ECT2L: variants seen among roughly 807,000 people sequenced by gnomAD.
ECT2L encodes the protein epithelial cell-transforming sequence 2 oncogene-like.
A neutral mutation model predicts 122.8 loss-of-function variants in ECT2L; 126 were observed. The ratio of observed to expected loss-of-function variants is 1.03; its 90% CI spans 0.89 to 1.19. The LOEUF (loss-of-function observed/expected upper bound fraction) is 1.19, where lower values mean the gene tolerates loss of function less well. Among genes scored for constraint, ECT2L ranks in the 50% most tolerant of loss-of-function variants. The pLI is 0.00. For missense variants in ECT2L, 1,012 were observed against 1,064.1 expected, an observed-to-expected ratio of 0.95 and a Z score of 0.68; for synonymous variants, 385 against 381.8, an observed-to-expected ratio of 1.01 and a Z score of -0.10.
chr6:138,796,586 T>C (rs1251965037), intron 1 of ECT2L, among the ~76,000 whole-genome samples: 1 of 149,836 alleles, frequency 6.7e-6, no homozygotes, highest in Non-Finnish European at 1.5e-5. Context: ...GGTCCAAAAA[T>C]GTAGGGAGTA....
At chr6:138,815,657 G>C (rs1317277018) in intron 4 of ECT2L, among the ~76,000 whole-genome samples, 2 of 152,228 alleles carry the variant, frequency 1.3e-5, no homozygotes, top group East Asian at 3.8e-4. Flanking sequence ...GTGTGAAGTT[G>C]TTTGGGCTTA....
At chr6:138,804,545 G>T (rs992209754) in intron 1 of ECT2L, among the ~76,000 whole-genome samples, 1 of 151,522 alleles carries the variant, frequency 6.6e-6, no homozygotes, top group Non-Finnish European at 1.5e-5. Context: ...GCACTTTAAA[G>T]TTCCATAAAT....
At chr6:138,854,183 A>C (rs1048117123) in intron 10 of ECT2L, 29 bp downstream of exon 10, 1 of 1,580,376 alleles carries the variant, frequency 6.3e-7, no homozygotes, top group African/African-American at 1.4e-5. Flanking sequence ...ATAGAGAGAC[A>C]GTGGCCATGC....
intron 13 of ECT2L, among the ~76,000 whole-genome samples, chr6:138,873,705 A>C (rs185096356): frequency 6.6e-6 from 1 of 152,262 alleles, no homozygotes; most frequent in East Asian, 1.9e-4. Context: ...GAGGCAGGAG[A>C]ATCCCTTGAA....
chr6:138,860,992 T>C (rs1255355953), intron 10 of ECT2L, among the ~76,000 whole-genome samples: 1 of 152,114 alleles, frequency 6.6e-6, no homozygotes, highest in Admixed American at 6.6e-5. Flanking sequence ...GGTTTTCTGT[T>C]CCTGTGTTAG....
At chr6:138,805,035 G>A (rs898957282) in intron 1 of ECT2L, among the ~76,000 whole-genome samples, 10 of 152,082 alleles carry the variant, frequency 6.6e-5, no homozygotes, top group African/African-American at 1.4e-4. Flanking sequence ...TTATCTTGAC[G>A]TCTAACACTA....
chr6:138,838,229 T>G, intron 4 of ECT2L, 123 bp from the exon 5 acceptor site: 1 of 988,414 alleles, frequency 1.0e-6, no homozygotes, highest in Non-Finnish European at 1.4e-6. Context: ...TAGATTTATG[T>G]TTTGTTAGGA....
At chr6:138,810,723 GC>G (rs1775864704) in intron 1 of ECT2L, among the ~76,000 whole-genome samples, 1 of 152,038 alleles carries the variant, frequency 6.6e-6, no homozygotes. Context: ...ACTATCTATT[GC>G]AGTTATCCTT....
intron 14 of ECT2L, among the ~76,000 whole-genome samples, chr6:138,880,611 A>C (rs1340659779): frequency 6.6e-6 from 1 of 152,206 alleles, no homozygotes; most frequent in Non-Finnish European, 1.5e-5. Context: ...AACCTCCATG[A>C]AGACAGGACT....
intron 16 of ECT2L, among the ~76,000 whole-genome samples, chr6:138,884,305 T>C (rs1321363721): frequency 6.6e-6 from 1 of 152,168 alleles, no homozygotes; most frequent in African/African-American, 2.4e-5. Flanking sequence ...GGAGGTAACT[T>C]TACGGGTGCT....
chr6:138,891,328 C>T (rs147753181), intron 20 of ECT2L, among the ~76,000 whole-genome samples: 6 of 152,244 alleles, frequency 3.9e-5, no homozygotes, highest in African/African-American at 4.8e-5. Context: ...GGAAAATCTC[C>T]GTTTTGTAGA....
intron 1 of ECT2L, among the ~76,000 whole-genome samples, chr6:138,798,377 A>T (rs1775416880): frequency 1.3e-5 from 2 of 152,170 alleles, no homozygotes; most frequent in South Asian, 4.1e-4. Flanking sequence ...GATTCACTTC[A>T]TCTGAACAAA....
At chr6:138,846,801 C>G in intron 8 of ECT2L, 124 bp downstream of exon 8, 1 of 1,165,860 alleles carries the variant, frequency 8.6e-7, no homozygotes, top group Non-Finnish European at 1.1e-6. Flanking sequence ...GATTCAACTT[C>G]TAAAAGGAAA....
intron 17 of ECT2L, 45 bp downstream of exon 17, chr6:138,885,624 C>T (rs1378453122): frequency 3.1e-6 from 5 of 1,613,702 alleles, no homozygotes; most frequent in Non-Finnish European, 4.2e-6. Flanking sequence ...CCAGAGAGGG[C>T]ATTCCTGGGC....
At chr6:138,850,183 C>T (rs1582611962) in intron 9 of ECT2L, among the ~76,000 whole-genome samples, 2 of 152,010 alleles carry the variant, frequency 1.3e-5, no homozygotes, top group Middle Eastern at 6.8e-3. Context: ...TCTTGTCGCC[C>T]AGGCTGGAGT....
chr6:138,850,789 G>A (rs1375707303), intron 9 of ECT2L, among the ~76,000 whole-genome samples: 4 of 151,782 alleles, frequency 2.6e-5, no homozygotes, highest in Admixed American at 2.6e-4. Context: ...ATCATCCGAG[G>A]TCAGGAGTTC....
At chr6:138,812,145 G>C (rs1775923624) in intron 1 of ECT2L, among the ~76,000 whole-genome samples, 1 of 152,220 alleles carries the variant, frequency 6.6e-6, no homozygotes, top group Non-Finnish European at 1.5e-5. Flanking sequence ...GACACAGTGA[G>C]AAGGCAGCTG....
rs777835498 is a variant in ECT2L at position 138,902,518 on chromosome 6, T to C, written c.2606T>C (p.Ile869Thr). 1.2e-6 allele frequency: 2 copies of C among 1,613,654 alleles called. No individual in the cohort carries two copies. Among genetic ancestry groups the C allele is most frequent in the Non-Finnish European group, 1.7e-6 (2 of 1,179,744 alleles). ...TTTACAGATGTCAAGAATGCATTTA[T>C]TCTTCAGGGTCCAAAATATAAATGG... Reference protein sequence around the residue: ...PDSKYVKNAFILQGPKYKWIC... With the variant: ...PDSKYVKNAFTLQGPKYKWIC... The change falls in exon 22 of 22, where the codon ATT becomes ACT. Residue 869 changes from isoleucine (I) to threonine (T), a missense_variant. Physicochemically the swap from Ile to Thr is moderately conservative, Grantham distance 89. Coordinates refer to ENST00000541398, the MANE Select transcript of ECT2L (RefSeq NM_001077706.3).
chr6:138,815,724 T>C (rs1776045153), intron 4 of ECT2L, among the ~76,000 whole-genome samples: 1 of 152,228 alleles, frequency 6.6e-6, no homozygotes, highest in Admixed American at 6.5e-5. Flanking sequence ...TGTTAGGTAC[T>C]TTCACTAGAA....
Sources: allele counts gnomAD v4.1 joint callset (sites outside exome capture counted in the v4.1 genomes callset), GRCh38; gene constraint gnomAD v4.1.1; transcripts MANE v1.5; gene names NCBI Gene and HGNC (gene_info 2026-07-23, HGNC 2026-07-21).